The following GPHN variants were observed in gnomAD, a reference collection of about 807,000 sequenced individuals.
GPHN encodes the protein gephyrin.
A neutral mutation model predicts 95.5 loss-of-function variants in GPHN; 17 were observed. The ratio of observed to expected loss-of-function variants is 0.18; its 90% CI spans 0.12 to 0.27. The LOEUF (loss-of-function observed/expected upper bound fraction) is 0.27, where lower values mean the gene tolerates loss of function less well. Among genes scored for constraint, GPHN ranks in the 10% least tolerant of loss-of-function variants. The probability of loss-of-function intolerance (pLI) is 1.00; values close to 1 mark genes in which losing one functional copy is unlikely to be tolerated. For missense variants in GPHN, 660 were observed against 978.1 expected (o/e 0.67, Z 4.34); for synonymous variants, 320 against 322.5 (o/e 0.99, Z 0.08).
At chr14:67,204,648 A>C in the GPHN span, 11 of 1,613,804 alleles carry the variant, frequency 6.8e-6, no homozygotes, top group African/African-American at 1.2e-4. Context: ...GCACCTCTGC[A>C]TATAAACAGG....
chr14:66,973,595 T>C, intron 9 of GPHN, among the ~76,000 whole-genome samples: 1 of 152,054 alleles, frequency 6.6e-6, no homozygotes, highest in Admixed American at 6.6e-5. Context: ...CTGTCTCTAC[T>C]AAAAATACAA....
chr14:67,327,486 T>C, the GPHN span, among the ~76,000 whole-genome samples: 1 of 151,954 alleles, frequency 6.6e-6, no homozygotes, highest in Non-Finnish European at 1.5e-5. Flanking sequence ...ATTTTTATTT[T>C]ATTTTTTTAT....
chr14:66,819,643 T>A (rs1319127872), intron 3 of GPHN, among the ~76,000 whole-genome samples: 1 of 152,060 alleles, frequency 6.6e-6, no homozygotes, highest in Non-Finnish European at 1.5e-5. Context: ...GTTTTTGTTT[T>A]TTTGCTTAGG....
chr14:66,773,204 A>G (rs1398346768), intron 2 of GPHN, among the ~76,000 whole-genome samples: 1 of 152,186 alleles, frequency 6.6e-6, no homozygotes, highest in Non-Finnish European at 1.5e-5. Flanking sequence ...ATGGCAGGTA[A>G]TAAGTTCTTT....
intron 1 of GPHN, among the ~76,000 whole-genome samples, chr14:66,598,351 T>C (rs985495057): frequency 7.9e-5 from 12 of 151,862 alleles, no homozygotes; most frequent in Non-Finnish European, 1.3e-4. Context: ...TCTACAGGTA[T>C]CAAAGCATCA....
chr14:66,683,421 T>TGTTC (rs1344749214), intron 2 of GPHN, among the ~76,000 whole-genome samples: 1 of 135,538 alleles, frequency 7.4e-6, no homozygotes, highest in African/African-American at 2.9e-5. Context: ...TTCATATATA[T>TGTTC]ATATTCATAT....
At chr14:66,849,134 G>A (rs914437372) in intron 4 of GPHN, among the ~76,000 whole-genome samples, 1 of 151,912 alleles carries the variant, frequency 6.6e-6, no homozygotes, top group African/African-American at 2.4e-5. Flanking sequence ...TGTAGCAAAA[G>A]ATGATAGAAC....
intron 5 of GPHN, among the ~76,000 whole-genome samples, chr14:66,895,264 A>T (rs2064773782): frequency 6.6e-6 from 1 of 152,188 alleles, no homozygotes; most frequent in African/African-American, 2.4e-5. Flanking sequence ...AAAAACAAAA[A>T]ACCAGACACC....
chr14:66,576,618 T>A (rs988203678), intron 1 of GPHN, among the ~76,000 whole-genome samples: 1 of 152,190 alleles, frequency 6.6e-6, no homozygotes, highest in Non-Finnish European at 1.5e-5. Flanking sequence ...GCAAGCATAT[T>A]TTCTATGCAC....
At chr14:66,868,495 G>A (rs779483021) in intron 4 of GPHN, among the ~76,000 whole-genome samples, 3 of 152,074 alleles carry the variant, frequency 2.0e-5, no homozygotes, top group Admixed American at 1.3e-4. Flanking sequence ...CCGGGTTCAA[G>A]CGATTCTCCT....
chr14:66,639,471 A>G (rs2064277374), intron 1 of GPHN, among the ~76,000 whole-genome samples: 1 of 152,178 alleles, frequency 6.6e-6, no homozygotes, highest in Non-Finnish European at 1.5e-5. Flanking sequence ...TTTAGAAGAC[A>G]TTGAATACAT....
chr14:66,633,961 T>A (rs944032280), intron 1 of GPHN, among the ~76,000 whole-genome samples: 2 of 151,794 alleles, frequency 1.3e-5, no homozygotes, highest in Non-Finnish European at 2.9e-5. Flanking sequence ...TTTTTTTTTT[T>A]TTTAATAATA....
chr14:67,011,607 T>G (rs1416086303), intron 9 of GPHN, among the ~76,000 whole-genome samples: 1 of 149,044 alleles, frequency 6.7e-6, no homozygotes, highest in Non-Finnish European at 1.5e-5. Flanking sequence ...GAAGGAAAAT[T>G]AGGATTGTGT....
chr14:67,116,896 T>G (rs2078727906), intron 16 of GPHN, among the ~76,000 whole-genome samples: 1 of 152,138 alleles, frequency 6.6e-6, no homozygotes, highest in Admixed American at 6.5e-5. Flanking sequence ...CAGTTAAACC[T>G]TTTTTTCCCC....
chr14:67,584,463 C>T, the GPHN span, among the ~76,000 whole-genome samples: 1 of 152,310 alleles, frequency 6.6e-6, no homozygotes, highest in South Asian at 2.1e-4. Context: ...TACATCTCCA[C>T]TGGTTTGACA....
the GPHN span, among the ~76,000 whole-genome samples, chr14:67,403,830 T>C: frequency 6.6e-6 from 1 of 152,078 alleles, no homozygotes; most frequent in East Asian, 1.9e-4. Context: ...GGAGAGAGGA[T>C]CTCCTGAGCC....
chr14:66,675,540 A>G (rs948551227), intron 1 of GPHN, among the ~76,000 whole-genome samples: 2 of 151,924 alleles, frequency 1.3e-5, no homozygotes, highest in East Asian at 3.9e-4. Flanking sequence ...ATTTGCAAAT[A>G]TTTTCTTTCA....
the GPHN span, among the ~76,000 whole-genome samples, chr14:67,480,540 G>A: frequency 6.6e-6 from 1 of 152,146 alleles, no homozygotes; most frequent in Non-Finnish European, 1.5e-5. Context: ...GGGCAGGAGA[G>A]AACAGATCCA....
the GPHN span, among the ~76,000 whole-genome samples, chr14:67,419,287 A>C: frequency 6.6e-6 from 1 of 152,286 alleles, no homozygotes; most frequent in East Asian, 1.9e-4. Flanking sequence ...GGAAGGGAGT[A>C]GCCATGGTGT....
Sources: gnomAD v4.1 joint callset for allele counts (sites outside exome capture counted in the v4.1 genomes callset) on GRCh38, gnomAD v4.1.1 for gene constraint, MANE v1.5 for transcripts, NCBI Gene and HGNC (gene_info 2026-07-23, HGNC 2026-07-21) for gene names.